The following IMMP2L variants were observed in gnomAD, a reference collection of about 807,000 sequenced individuals.
The protein encoded by IMMP2L is mitochondrial inner membrane protease subunit 2.
Under a neutral mutation model 19.3 loss-of-function variants are expected in IMMP2L, and 18 were observed. The observed-to-expected ratio is 0.93, with a 90% CI of 0.64 to 1.38. The LOEUF (loss-of-function observed/expected upper bound fraction) is 1.38, where lower values mean the gene tolerates loss of function less well. IMMP2L is among the 40% of genes most tolerant of loss of function. The probability of loss-of-function intolerance (pLI) is 0.00; values close to 1 mark genes in which losing one functional copy is unlikely to be tolerated. For synonymous variants in IMMP2L, 76 were observed against 73.0 expected, an observed-to-expected ratio of 1.04 and a Z score of -0.21; for missense variants, 233 against 218.2, an observed-to-expected ratio of 1.07 and a Z score of -0.43.
chr7:111,393,458 T>C (rs1222010555), intron 3 of IMMP2L, among the ~76,000 whole-genome samples: 1 of 152,130 alleles, frequency 6.6e-6, no homozygotes, highest in African/African-American at 2.4e-5. Context: ...CACCAAACAA[T>C]GTGCAGAATT....
At chr7:111,299,573 GAA>G (rs71147472) in intron 3 of IMMP2L, among the ~76,000 whole-genome samples, 43,272 of 118,550 alleles carry the variant, frequency 0.37, 6,707 homozygotes, top group South Asian at 0.62. Flanking sequence ...AGCTGAAGCA[GAA>G]AAAAAAAAAA....
chr7:110,974,421 G>T (rs1182485539), intron 3 of IMMP2L, among the ~76,000 whole-genome samples: 1 of 152,046 alleles, frequency 6.6e-6, no homozygotes, highest in Non-Finnish European at 1.5e-5. Flanking sequence ...ACATAACAGT[G>T]TTAAACTCTA....
chr7:110,841,493 C>T (rs942347485), intron 5 of IMMP2L, among the ~76,000 whole-genome samples: 1 of 151,974 alleles, frequency 6.6e-6, no homozygotes, highest in African/African-American at 2.4e-5. Context: ...ACTAATAAGG[C>T]TAATCTAGAA....
At chr7:111,181,546 A>G (rs1377984123) in intron 3 of IMMP2L, among the ~76,000 whole-genome samples, 1 of 152,102 alleles carries the variant, frequency 6.6e-6, no homozygotes, top group East Asian at 1.9e-4. Context: ...ATATATAGCT[A>G]CTAGTTGGAA....
intron 5 of IMMP2L, among the ~76,000 whole-genome samples, chr7:110,677,605 C>G (rs1340255045): frequency 6.6e-6 from 1 of 152,090 alleles, no homozygotes; most frequent in East Asian, 1.9e-4. Context: ...CAAAGACAAC[C>G]TGATAAGAGC....
intron 3 of IMMP2L, among the ~76,000 whole-genome samples, chr7:111,252,132 A>AT (rs908658056): frequency 6.6e-6 from 1 of 151,960 alleles, no homozygotes; most frequent in African/African-American, 2.4e-5. Context: ...ATTTGGGAGC[A>AT]TAAAAAAAAA....
At chr7:111,052,227 C>G (rs1040171858) in intron 3 of IMMP2L, among the ~76,000 whole-genome samples, 1 of 152,134 alleles carries the variant, frequency 6.6e-6, no homozygotes, top group Non-Finnish European at 1.5e-5. Flanking sequence ...GTAGAGAATC[C>G]CTTTCCCTTT....
chr7:111,164,734 T>C (rs562398707), intron 3 of IMMP2L, among the ~76,000 whole-genome samples: 3 of 152,100 alleles, frequency 2.0e-5, no homozygotes, highest in African/African-American at 4.8e-5. Flanking sequence ...CTCACAAACA[T>C]AGCATCTGTC....
chr7:111,212,435 C>G (rs756716170), intron 3 of IMMP2L, among the ~76,000 whole-genome samples: 6 of 151,976 alleles, frequency 3.9e-5, no homozygotes, highest in Non-Finnish European at 8.8e-5. Context: ...GTGGCAAAAG[C>G]CTGTCTCTAC....
intron 3 of IMMP2L, among the ~76,000 whole-genome samples, chr7:111,204,738 C>T (rs1027946746): frequency 1.3e-5 from 2 of 152,136 alleles, no homozygotes; most frequent in African/African-American, 4.8e-5. Flanking sequence ...TGCTATCCCC[C>T]ATTTAAAGAT....
At chr7:110,881,245 T>A (rs1183504225) in intron 5 of IMMP2L, among the ~76,000 whole-genome samples, 1 of 152,178 alleles carries the variant, frequency 6.6e-6, no homozygotes, top group Non-Finnish European at 1.5e-5. Flanking sequence ...TTCATTATAA[T>A]GGTATCTCCT....
At chr7:111,521,191 T>C in intron 2 of IMMP2L, 122 bp downstream of exon 2, 2 of 1,050,982 alleles carry the variant, frequency 1.9e-6, no homozygotes, top group Non-Finnish European at 2.7e-6. Context: ...TAAAATTTCA[T>C]TTCAATGCCT....
intron 3 of IMMP2L, among the ~76,000 whole-genome samples, chr7:110,977,624 C>T (rs1338831738): frequency 6.6e-6 from 1 of 151,908 alleles, no homozygotes; most frequent in Non-Finnish European, 1.5e-5. Context: ...CACCAAATAG[C>T]AAGCTTGACT....
intron 5 of IMMP2L, among the ~76,000 whole-genome samples, chr7:110,701,070 T>C (rs750323169): frequency 6.6e-6 from 1 of 152,210 alleles, no homozygotes; most frequent in Non-Finnish European, 1.5e-5. Flanking sequence ...TGACATGTTG[T>C]ACACATATTT....
In IMMP2L at chr7:111,309,400, G is replaced by A. The variant is rs148633897; in HGVS notation, c.239+177838C>T. On this transcript the variant is annotated intron_variant, in intron 3 of 5. Transcript: ENST00000405709. ...AGTAAATGAGCTCAAACCAGTTAACGAAATGGAAGAAAACAGAGTGTGTGC... is the reference window on the plus strand; with the variant it reads ...AGTAAATGAGCTCAAACCAGTTAACAAAATGGAAGAAAACAGAGTGTGTGC... 1.8e-3 allele frequency among the ~76,000 whole-genome samples: 275 copies of A among 152,172 alleles called. 4 individuals are homozygous for A. The highest frequency in any genetic ancestry group is 5.7e-3 in the African/African-American group (236 of 41,532).
chr7:111,452,390 A>G (rs1563210552), intron 3 of IMMP2L, among the ~76,000 whole-genome samples: 1 of 152,162 alleles, frequency 6.6e-6, no homozygotes, highest in African/African-American at 2.4e-5. Context: ...AACCATAGTT[A>G]CACAAAATTG....
At chr7:111,533,675 T>C (rs1847612501) in intron 1 of IMMP2L, among the ~76,000 whole-genome samples, 2 of 152,170 alleles carry the variant, frequency 1.3e-5, no homozygotes, top group Admixed American at 1.3e-4. Flanking sequence ...CAAAGCTAGA[T>C]ATTTATTAAA....
chr7:110,987,540 T>C (rs1360042652), intron 3 of IMMP2L, among the ~76,000 whole-genome samples: 1 of 152,196 alleles, frequency 6.6e-6, no homozygotes, highest in Non-Finnish European at 1.5e-5. Context: ...GTTTTAGGAA[T>C]GCTAGTTTTC....
chr7:110,731,691 G>A (rs1796285905), intron 5 of IMMP2L, among the ~76,000 whole-genome samples: 1 of 152,044 alleles, frequency 6.6e-6, no homozygotes, highest in African/African-American at 2.4e-5. Flanking sequence ...ATAATACCTT[G>A]CAATAATTAG....
Sources: gnomAD v4.1 joint callset for allele counts (sites outside exome capture counted in the v4.1 genomes callset) on GRCh38, gnomAD v4.1.1 for gene constraint, MANE v1.5 for transcripts, NCBI Gene and HGNC (gene_info 2026-07-23, HGNC 2026-07-21) for gene names.